The following AAAS variants were observed in gnomAD, a reference collection of about 807,000 sequenced individuals.
AAAS encodes aladin WD repeat nucleoporin.
AAAS carries 60 observed loss-of-function variants against 75.6 expected under a neutral mutation model. The ratio of observed to expected loss-of-function variants is 0.79; its 90% CI spans 0.64 to 0.98. The LOEUF is 0.98. Among genes scored for constraint, AAAS ranks in the 50% least tolerant of loss-of-function variants. The pLI is 0.00. For missense variants in AAAS, 658 were observed against 686.9 expected (o/e 0.96, Z 0.47); for synonymous variants, 271 against 265.0 (o/e 1.02, Z -0.22).
At chr12:53,315,255 G>T (rs1241318849) in intron 4 of AAAS, 80 bp downstream of exon 4, 2 of 1,594,528 alleles carry the variant, frequency 1.3e-6, no homozygotes, top group South Asian at 1.1e-5. Flanking sequence ...ACCCAACCCT[G>T]ACCTGCAAGG....
intron 1 of AAAS, 104 bp downstream of exon 1, chr12:53,321,239 C>T (rs906480971): frequency 1.4e-5 from 22 of 1,535,676 alleles, no homozygotes; most frequent in Non-Finnish European, 1.8e-5. Context: ...GTTTCCACTC[C>T]GCCAGACTCT....
rs1348283816 is a variant in AAAS, at chr12:53,318,229, TGTGTGTGTGTGTGTGC to T, written c.251+2320_251+2335del. Among the ~76,000 whole-genome samples, 560 of 130,140 alleles carry T rather than the reference TGTGTGTGTGTGTGTGC, an allele frequency of 4.3e-3. 4 individuals carry two copies. The highest frequency in any genetic ancestry group is 0.012 in the Middle Eastern group (3 of 252). 85.4% of individuals were successfully genotyped at this position (130,140 alleles called of 152,430 possible). ...TTTGTAGAGATGGGGTTTCAGTGTG[TGTGTGTGTGTGTGTGC>T]GTGTGTGTGTGTGTGTGTGTGTGTG... On this transcript the variant is annotated intron_variant, in intron 2 of 15. Transcript: ENST00000209873.
Position 53,308,714 on chromosome 12 carries a change from C to T in AAAS, c.1087+11G>A, listed in dbSNP as rs776785477. On this transcript the variant is annotated intron_variant, in intron 11 of 15. Transcript: ENST00000209873. ...GACCACCCCAAATACTGAAGTGTTG[C>T]CCTAACTCACCACAACGTTCTGGAA... 1.2e-6 allele frequency: 2 copies of T among 1,614,046 alleles called. No individual in the cohort carries two copies. The highest frequency in any genetic ancestry group is 1.7e-6 in the Non-Finnish European group (2 of 1,179,978).
chr12:53,308,539 A>T lies in AAAS; in HGVS notation c.1088-11T>A. ...ACCCCTTTCCCTCACCTGTGGACAAATAAGAGCAGAGAGGTTCTTGCAAGA... is the reference window on the plus strand; with the variant it reads ...ACCCCTTTCCCTCACCTGTGGACAATTAAGAGCAGAGAGGTTCTTGCAAGA... On this transcript the variant is annotated splice_polypyrimidine_tract_variant and intron_variant, in intron 11 of 15. Coordinates refer to ENST00000209873, the MANE Select transcript of AAAS (RefSeq NM_015665.6). 2 of 1,614,078 alleles carry T rather than the reference A, an allele frequency of 1.2e-6. No homozygotes were observed. The highest frequency in any genetic ancestry group is 8.5e-7 in the Non-Finnish European group (1 of 1,179,986).
intron 2 of AAAS, among the ~76,000 whole-genome samples, chr12:53,316,284 T>C (rs1378882427): frequency 6.8e-6 from 1 of 146,172 alleles, no homozygotes; most frequent in African/African-American, 2.6e-5. Flanking sequence ...ACCCCGTCTC[T>C]ACTAAAAATG....
chr12:53,313,929 A>G (rs1021608088), intron 7 of AAAS, among the ~76,000 whole-genome samples: 2 of 152,044 alleles, frequency 1.3e-5, no homozygotes, highest in Non-Finnish European at 2.9e-5. Context: ...TTAAAGAACC[A>G]GTTTCTGGTT....
intron 4 of AAAS, 43 bp downstream of exon 4, chr12:53,315,292 G>C: frequency 6.2e-7 from 1 of 1,607,610 alleles, no homozygotes; most frequent in South Asian, 1.1e-5. Flanking sequence ...AGTAGGATGG[G>C]GACACAGCAA....
rs200674403 is a variant in AAAS, at chr12:53,308,934, G to A, written c.996+26C>T. The A allele has an allele frequency of 1.5e-4, 242 of 1,614,158 alleles. 1 individual carries two copies. Among genetic ancestry groups the A allele is most frequent in the Non-Finnish European group, 4.5e-5 (53 of 1,179,990 alleles). Reference sequence around the variant, plus strand: ...CCATTGGAATCATCTCCTCCCCAGTGTCTGTGAATCAGAGTCCCCTCTTAC... The same window carrying A: ...CCATTGGAATCATCTCCTCCCCAGTATCTGTGAATCAGAGTCCCCTCTTAC... On this transcript the variant is annotated intron_variant, in intron 10 of 15. Coordinates refer to ENST00000209873, the MANE Select transcript of AAAS (RefSeq NM_015665.6).
Position 53,308,416 on chromosome 12 carries a change from C to G in AAAS, c.1181+19G>C, listed in dbSNP as rs1248284820. ...TCCCACCTGCTTTTCACTGCCACTC[C>G]CTCAACCACTCAGCTCACCTCTCCT... On this transcript the variant is annotated intron_variant, in intron 12 of 15. Transcript: ENST00000209873. 1 of 1,614,026 alleles carries G rather than the reference C, an allele frequency of 6.2e-7. No individual in the cohort carries two copies. The highest frequency in any genetic ancestry group is 8.5e-7 in the Non-Finnish European group (1 of 1,180,024).
intron 5 of AAAS, 92 bp from the exon 6 acceptor site, chr12:53,314,941 C>T: frequency 4.7e-6 from 7 of 1,497,266 alleles, no homozygotes; most frequent in African/African-American, 1.4e-5. Context: ...ATGGTTTTTT[C>T]CTACTTTTTC....
At chr12:53,308,031 A>G in intron 14 of AAAS, 21 bp downstream of exon 14, 1 of 1,614,046 alleles carries the variant, frequency 6.2e-7, no homozygotes. Flanking sequence ...GTCCAGACCT[A>G]AGGGCCCACA....
intron 2 of AAAS, among the ~76,000 whole-genome samples, chr12:53,317,090 A>G (rs540422722): frequency 2.0e-5 from 3 of 152,136 alleles, no homozygotes; most frequent in East Asian, 3.9e-4. Flanking sequence ...ATGCTGTCTC[A>G]AAAAATAATA....
At position 53,309,267 on chromosome 12, in the gene AAAS, T is replaced by C. The variant is rs372459440; in HGVS notation, c.825A>G (p.Ser275=). 5.6e-6 allele frequency: 9 copies of C among 1,613,790 alleles called. No homozygotes were observed. In the East Asian group the frequency reaches 2.0e-4, roughly 36 times the overall value. ...AGGGAAGGGGGACACAGGTCTCTGTTGAGACATCCCATACCTAGGAGAGTG... is the reference window on the plus strand; with the variant it reads ...AGGGAAGGGGGACACAGGTCTCTGTCGAGACATCCCATACCTAGGAGAGTG... ...VDAAIRVWDV[S]TETCVPLPWF... Residue 275 remains serine, a synonymous_variant, in exon 9 of 16, where the codon TCA becomes TCG. Coordinates refer to ENST00000209873, the MANE Select transcript of AAAS (RefSeq NM_015665.6).
intron 8 of AAAS, 41 bp from the exon 9 acceptor site, chr12:53,309,322 C>T: frequency 1.9e-6 from 3 of 1,611,456 alleles, no homozygotes; most frequent in Non-Finnish European, 2.5e-6. Flanking sequence ...ACTCAAGCAC[C>T]CCATCATCTC....
At chr12:53,313,510 A>C (rs760936389) in intron 7 of AAAS, among the ~76,000 whole-genome samples, 1 of 152,048 alleles carries the variant, frequency 6.6e-6, no homozygotes. Context: ...CATGTTGGCC[A>C]GGCTGGTCTC....
rs200871966 is a variant in AAAS, at chr12:53,308,287, A to G, written c.1244T>C (p.Met415Thr). 1.2e-4 allele frequency: 190 copies of G among 1,614,042 alleles called. No homozygotes were observed. Among genetic ancestry groups the G allele is most frequent in the African/African-American group, 1.5e-4 (11 of 74,924 alleles). ...CCTTCATCCTTGCCTCTCACCTTTC[A>G]TAAGCACAGCCAGACGTTCCCCACT... ...DPSGERLAVL[M>T]KGKPRVQDGK... Residue 415 changes from methionine (M) to threonine (T), a missense_variant, in exon 13 of 16, where the codon ATG (methionine) becomes ACG (threonine). Physicochemically the swap from Met to Thr is moderately conservative, Grantham distance 81. Transcript: ENST00000209873.
At chr12:53,318,280 G>GTTAA (rs1944498487) in intron 2 of AAAS, among the ~76,000 whole-genome samples, 3 of 143,740 alleles carry the variant, frequency 2.1e-5, no homozygotes, top group Non-Finnish European at 3.1e-5. Context: ...GTGTTAAGAC[G>GTTAA]GAGTCTCACT....
chr12:53,315,589 G>GT (rs1944449897), intron 3 of AAAS, 138 bp downstream of exon 3: 2 of 1,261,564 alleles, frequency 1.6e-6, no homozygotes, highest in African/African-American at 3.0e-5. Flanking sequence ...CCCACTCTGG[G>GT]TTATTTGGGT....
chr12:53,312,099 G>T (rs542711384), intron 7 of AAAS, among the ~76,000 whole-genome samples: 1 of 151,970 alleles, frequency 6.6e-6, no homozygotes, highest in Non-Finnish European at 1.5e-5. Flanking sequence ...ATGCTGAGGC[G>T]GGCGGATCAC....
Sources: gnomAD v4.1 joint callset for allele counts (sites outside exome capture counted in the v4.1 genomes callset) on GRCh38, gnomAD v4.1.1 for gene constraint, MANE v1.5 for transcripts, NCBI Gene and HGNC (gene_info 2026-07-23, HGNC 2026-07-21) for gene names.